Variants in MEF2D observed in about 807,000 individuals in gnomAD.
The protein encoded by MEF2D is myocyte enhancer factor 2D.
MEF2D carries 10 observed loss-of-function variants against 59.3 expected under a neutral mutation model. That is an observed-to-expected ratio of 0.17 (90% CI 0.10 to 0.29). MEF2D has a LOEUF of 0.29. Among genes scored for constraint, MEF2D ranks in the 10% least tolerant of loss-of-function variants. The pLI, the probability that MEF2D is intolerant of heterozygous loss-of-function variation, is 1.00. For synonymous variants in MEF2D, 305 were observed against 295.0 expected (o/e 1.03, Z -0.35); for missense variants, 508 against 699.4 (o/e 0.73, Z 3.09).
At chr1:156,491,867 C>T (rs1374891330) in intron 1 of MEF2D, among the ~76,000 whole-genome samples, 1 of 152,242 alleles carries the variant, frequency 6.6e-6, no homozygotes, top group Non-Finnish European at 1.5e-5. Context: ...CACCCCCACC[C>T]AGGATCCGTA....
At chr1:156,470,429 A>AAAAG (rs887728414) in intron 9 of MEF2D, among the ~76,000 whole-genome samples, 1,989 of 151,646 alleles carry the variant, frequency 0.013, 36 homozygotes, top group African/African-American at 0.036. Flanking sequence ...AAAAAAAAAA[A>AAAAG]AAAGAAAGAA....
chr1:156,486,241 G>C (rs1333272031), intron 1 of MEF2D, among the ~76,000 whole-genome samples: 1 of 152,098 alleles, frequency 6.6e-6, no homozygotes, highest in Non-Finnish European at 1.5e-5. Context: ...TGTGACCCCA[G>C]TGTCTGCCAA....
chr1:156,475,474 G>C (rs1045090149), intron 8 of MEF2D, among the ~76,000 whole-genome samples: 3 of 152,214 alleles, frequency 2.0e-5, no homozygotes, highest in African/African-American at 7.2e-5. Context: ...CAAAGATGAA[G>C]GCACGTGTAC....
At chr1:156,496,648 C>T (rs1392313157) in intron 1 of MEF2D, among the ~76,000 whole-genome samples, 1 of 152,200 alleles carries the variant, frequency 6.6e-6, no homozygotes, top group Non-Finnish European at 1.5e-5. Context: ...CCCATCCCAA[C>T]TCTCCAATCC....
rs1290321545 is a variant in MEF2D at position 156,500,489 on chromosome 1, C to G, written c.-142G>C. ...CGCATTATTTTTCTCTACTCACCAG[C>G]CCGGCTGGGGGAACGGTGTTGTCAC... On this transcript the variant is annotated 5_prime_UTR_variant, in exon 1 of 12. Coordinates refer to ENST00000348159, the MANE Select transcript of MEF2D (RefSeq NM_005920.4). 6.6e-6 allele frequency: 1 copy of G among 152,358 alleles called. No homozygotes were observed. The highest frequency in any genetic ancestry group is 1.5e-5 in the Non-Finnish European group (1 of 68,144). 9.4% of individuals were successfully genotyped at this position (152,358 alleles called of 1,614,324 possible).
intron 1 of MEF2D, among the ~76,000 whole-genome samples, chr1:156,490,280 GC>G (rs1262851084): frequency 1.4e-5 from 2 of 140,678 alleles, no homozygotes; most frequent in African/African-American, 5.4e-5. Flanking sequence ...CTCTGTCCCC[GC>G]CCCCTCCCAC....
At chr1:156,486,505 C>T (rs1171562) in intron 1 of MEF2D, among the ~76,000 whole-genome samples, 152,172 of 152,306 alleles carry the variant, frequency 1, 76,019 homozygotes, top group Non-Finnish European at 1. Context: ...AGCATCTACC[C>T]TCCCTCTCTC....
chr1:156,490,923 C>T (rs1034166756), intron 1 of MEF2D, among the ~76,000 whole-genome samples: 2 of 152,306 alleles, frequency 1.3e-5, no homozygotes, highest in Middle Eastern at 3.4e-3. Context: ...AGCTGTGAGG[C>T]CATTTGGCTC....
At chr1:156,482,003 CACAA>C (rs1267660874) in intron 3 of MEF2D, among the ~76,000 whole-genome samples, 4 of 152,152 alleles carry the variant, frequency 2.6e-5, no homozygotes, top group African/African-American at 7.2e-5. Flanking sequence ...CTACCGGGCC[CACAA>C]ACAGACAGAG....
At position 156,477,070 on chromosome 1, in the gene MEF2D, C is replaced by A. The variant is rs1302217106; in HGVS notation, c.797G>T (p.Arg266Leu). 1.2e-6 allele frequency: 2 copies of A among 1,613,806 alleles called. No homozygotes were observed. The highest frequency in any genetic ancestry group is 8.5e-7 in the Non-Finnish European group (1 of 1,179,874). ...THSTQLGAPSRKPDLRVITSQ... is the reference protein window; with the variant it reads ...THSTQLGAPSLKPDLRVITSQ... ...AGTGATGACTCGCAGGTCGGGCTTGCGGCTGGGGGCTCCAAGCTGGGTGCT... is the reference window on the plus strand; with the variant it reads ...AGTGATGACTCGCAGGTCGGGCTTGAGGCTGGGGGCTCCAAGCTGGGTGCT... The change falls in exon 7 of 12, where the codon CGC becomes CTC. Residue 266 changes from arginine (R) to leucine (L), a missense_variant. Transcript: ENST00000348159.
In MEF2D at chr1:156,500,768, G is replaced by T. The variant is rs1246948581; in HGVS notation, c.-421C>A. ...TTCCTTCCTCCTTTCGGGCTCCAAA[G>T]GTAACTCCTCCAGCCCCCGGGAGTC... On this transcript the variant is annotated 5_prime_UTR_variant, in exon 1 of 12. Coordinates refer to ENST00000348159, the MANE Select transcript of MEF2D (RefSeq NM_005920.4). 1 of 152,148 alleles carries T rather than the reference G, an allele frequency of 6.6e-6. No homozygotes were observed. Among genetic ancestry groups the T allele is most frequent in the African/African-American group, 2.4e-5 (1 of 41,404 alleles). 9.4% of individuals were successfully genotyped at this position (152,148 alleles called of 1,614,324 possible). A position where few individuals can be genotyped will look rare whatever the true frequency, so the allele number is the denominator to read the frequency against.
chr1:156,476,066 A>G (rs1209139282), intron 8 of MEF2D, among the ~76,000 whole-genome samples: 1 of 152,164 alleles, frequency 6.6e-6, no homozygotes, highest in Non-Finnish European at 1.5e-5. Flanking sequence ...CTCCCTCCTA[A>G]GAAGGATCCT....
In MEF2D at chr1:156,468,040, G is replaced by T. The variant is rs1202900675; in HGVS notation, c.1507C>A (p.Pro503Thr). The T allele has an allele frequency of 8.7e-6, 14 of 1,613,836 alleles. No homozygotes were observed. Among genetic ancestry groups the T allele is most frequent in the Non-Finnish European group, 1.1e-5 (13 of 1,179,974 alleles). The change falls in exon 11 of 12, where the codon CCT becomes ACT. Residue 503 changes from proline to threonine, a missense_variant. Around this residue, in one of 2 missense-constraint regions of MEF2D, gnomAD observed 481 missense variants for 584.7 expected, o/e 0.82. Coordinates refer to ENST00000348159, the MANE Select transcript of MEF2D (RefSeq NM_005920.4). The surrounding 1 kb of genome is among the most constrained non-coding windows in gnomAD (Gnocchi z 4.3). ...TTCACAGCTGAGCCCTCAGCCTCAG[G>T]CTCTGGGGCTGGGCGCAGCAGGCCC... The part of the protein sequence containing the change: ...TLGLLRPAPE[P>T]EAEGSAVKRM...
Position 156,468,417 on chromosome 1 carries a change from G to A in MEF2D, c.1248-118C>T, listed in dbSNP as rs1192557475. ...GAGAACAAGAGGATGAGAATATGGG[G>A]GATGGGGTGTTGGGGAGAGGCAATT... On this transcript the variant is annotated intron_variant, in intron 10 of 11. Coordinates refer to ENST00000348159, the MANE Select transcript of MEF2D (RefSeq NM_005920.4). This position sits in a 1 kb window ranked among gnomAD's most constrained non-coding sequence, Gnocchi z 4.3. 2.7e-6 allele frequency: 2 copies of A among 744,716 alleles called. No homozygotes were observed. The highest frequency in any genetic ancestry group is 4.3e-6 in the Non-Finnish European group (2 of 466,840). 46.1% of individuals were successfully genotyped at this position (744,716 alleles called of 1,614,324 possible). A position where few individuals can be genotyped will look rare whatever the true frequency, so the allele number is the denominator to read the frequency against.
At position 156,475,164 on chromosome 1, in the gene MEF2D, G is replaced by A. The variant is rs1671484993; in HGVS notation, c.950C>T (p.Pro317Leu). 2 of 1,614,206 alleles carry A rather than the reference G, an allele frequency of 1.2e-6. No homozygotes were observed. The highest frequency in any genetic ancestry group is 8.5e-7 in the Non-Finnish European group (1 of 1,180,032). The change falls in exon 9 of 12, where the codon CCG becomes CTG. Residue 317 changes from proline (P) to leucine (L), a missense_variant. This residue lies in a region of MEF2D where 481 missense variants were observed against 584.7 expected (regional missense o/e 0.82). Coordinates refer to ENST00000348159, the MANE Select transcript of MEF2D (RefSeq NM_005920.4). ...LTTPVVSVAT[P>L]SLLSQGLPFS... ...GGGGAGGCCCTGGCTGAGTAAACTCGGCGTTGCCACAGAAACCACTGGGGT... is the reference window on the plus strand; with the variant it reads ...GGGGAGGCCCTGGCTGAGTAAACTCAGCGTTGCCACAGAAACCACTGGGGT...
At chr1:156,482,343 T>C (rs28730743) in intron 3 of MEF2D, 94 bp downstream of exon 3, 433 of 1,296,384 alleles carry the variant, frequency 3.3e-4, no homozygotes, top group Non-Finnish European at 4.6e-4. Flanking sequence ...CCAGTGTGTG[T>C]GCATAGGCAG....
intron 9 of MEF2D, among the ~76,000 whole-genome samples, chr1:156,470,093 G>A (rs1017357846): frequency 3.9e-5 from 6 of 152,220 alleles, no homozygotes; most frequent in African/African-American, 1.4e-4. Flanking sequence ...CTACCTTAAA[G>A]AAGAAACTGA....
chr1:156,468,389 A>T lies in MEF2D; in HGVS notation c.1248-90T>A. On this transcript the variant is annotated intron_variant, in intron 10 of 11. Transcript: ENST00000348159. The surrounding 1 kb of genome is among the most constrained non-coding windows in gnomAD (Gnocchi z 4.3). ...GTGATAGGACACCAGACAGAAAGTG[A>T]GAGAGAACAAGAGGATGAGAATATG... The T allele has an allele frequency of 1.1e-6, 1 of 923,056 alleles. No individual in the cohort carries two copies. The highest frequency in any genetic ancestry group is 1.6e-6 in the Non-Finnish European group (1 of 616,952). The allele number at this position is 923,056 out of a possible 1,614,324, so 57.2% of individuals were successfully genotyped here. A position where few individuals can be genotyped will look rare whatever the true frequency, so the allele number is the denominator to read the frequency against.
chr1:156,473,116 C>G (rs1198300543), intron 9 of MEF2D, among the ~76,000 whole-genome samples: 1 of 152,028 alleles, frequency 6.6e-6, no homozygotes, highest in Non-Finnish European at 1.5e-5. Flanking sequence ...CTCCCGGATT[C>G]AAGTGATTCT....
Sources: gnomAD v4.1 joint callset for allele counts (sites outside exome capture counted in the v4.1 genomes callset) on GRCh38, gnomAD v4.1.1 for gene constraint, gnomAD v4.1.1 regional missense constraint, Gnocchi (gnomAD v3.1) non-coding constraint, MANE v1.5 for transcripts, NCBI Gene and HGNC (gene_info 2026-07-23, HGNC 2026-07-21) for gene names.